ATP8A2: variants seen among roughly 807,000 people sequenced by gnomAD.
ATP8A2 encodes phospholipid-transporting ATPase IB.
In ATP8A2, 100 loss-of-function variants were observed where a neutral mutation model predicts 165.6. That is an observed-to-expected ratio of 0.60 (90% CI 0.51 to 0.71). The LOEUF (loss-of-function observed/expected upper bound fraction) is 0.71, where lower values mean the gene tolerates loss of function less well. Ranked by LOEUF, ATP8A2 falls within the 30% of genes least tolerant of loss-of-function variation. The pLI, the probability that ATP8A2 is intolerant of heterozygous loss-of-function variation, is 0.00. For missense variants in ATP8A2, 1,227 were observed against 1,479.5 expected (o/e 0.83, Z 2.80); for synonymous variants, 543 against 548.8 (o/e 0.99, Z 0.15).
intron 1 of ATP8A2, among the ~76,000 whole-genome samples, chr13:25,461,366 C>G (rs2035498196): frequency 6.6e-6 from 1 of 152,208 alleles, no homozygotes; most frequent in African/African-American, 2.4e-5. Context: ...AGTGCTTCCC[C>G]AGTGGCTGAA....
chr13:25,534,222 T>C (rs778438792), intron 6 of ATP8A2: 1 of 532,652 alleles, frequency 1.9e-6, no homozygotes, highest in Non-Finnish European at 3.9e-6. Context: ...CTTTATAGTG[T>C]TTTACAGTAA....
intron 2 of ATP8A2, among the ~76,000 whole-genome samples, chr13:25,529,239 G>C (rs1415962024): frequency 6.6e-6 from 1 of 152,186 alleles, no homozygotes; most frequent in Non-Finnish European, 1.5e-5. Context: ...AATAAAATGT[G>C]TGAGCAGCCA....
At chr13:25,548,061 C>A (rs1213762830) in intron 10 of ATP8A2, among the ~76,000 whole-genome samples, 1 of 152,044 alleles carries the variant, frequency 6.6e-6, no homozygotes, top group Non-Finnish European at 1.5e-5. Context: ...CCTGTCTCTA[C>A]TAAAAATACA....
At chr13:25,690,872 A>G (rs1256406707) in intron 24 of ATP8A2, among the ~76,000 whole-genome samples, 3 of 151,452 alleles carry the variant, frequency 2.0e-5, no homozygotes, top group Admixed American at 6.6e-5. Flanking sequence ...ATATAAACGT[A>G]AGTCTACACA....
chr13:25,943,770 C>T (rs776411098), intron 33 of ATP8A2, among the ~76,000 whole-genome samples: 1 of 152,150 alleles, frequency 6.6e-6, no homozygotes, highest in Non-Finnish European at 1.5e-5. Context: ...CCGTGAAATC[C>T]AATCAAACCT....
At chr13:25,828,281 G>A (rs768845032) in intron 28 of ATP8A2, 89 bp downstream of exon 28, 1 of 1,095,660 alleles carries the variant, frequency 9.1e-7, no homozygotes, top group Non-Finnish European at 1.4e-6. Context: ...AAGTGTATCT[G>A]AGTCAATCAT....
chr13:25,785,626 C>T (rs1364978075), intron 27 of ATP8A2, among the ~76,000 whole-genome samples: 5 of 152,124 alleles, frequency 3.3e-5, no homozygotes, highest in African/African-American at 1.2e-4. Context: ...AGTTTTAGAA[C>T]TACTTCTGTG....
chr13:25,458,102 G>T (rs935993322), intron 1 of ATP8A2, among the ~76,000 whole-genome samples: 1 of 152,142 alleles, frequency 6.6e-6, no homozygotes, highest in African/African-American at 2.4e-5. Context: ...GTTGACTTCC[G>T]TCTGCTTGGA....
At chr13:25,704,675 G>C (rs2043020166) in intron 25 of ATP8A2, among the ~76,000 whole-genome samples, 1 of 152,040 alleles carries the variant, frequency 6.6e-6, no homozygotes, top group African/African-American at 2.4e-5. Context: ...ATATCTAGGG[G>C]ACCTTTAGAG....
intron 33 of ATP8A2, among the ~76,000 whole-genome samples, chr13:25,867,266 C>T (rs1055180503): frequency 7.9e-5 from 12 of 152,010 alleles, no homozygotes; most frequent in Middle Eastern, 3.4e-3. Context: ...ATGGTTCTGT[C>T]ATCAGTGAAT....
intron 24 of ATP8A2, among the ~76,000 whole-genome samples, chr13:25,677,672 G>A (rs1408820789): frequency 2.6e-5 from 4 of 152,166 alleles, no homozygotes; most frequent in South Asian, 2.1e-4. Flanking sequence ...AGAGGACAAC[G>A]GGAGAGAGAT....
chr13:25,457,501 A>T (rs1033193811), intron 1 of ATP8A2, among the ~76,000 whole-genome samples: 2 of 152,158 alleles, frequency 1.3e-5, no homozygotes, highest in African/African-American at 2.4e-5. Context: ...CCCCATTTTT[A>T]TTATCTCTAA....
At chr13:25,997,122 A>G (rs1956528095) in intron 35 of ATP8A2, among the ~76,000 whole-genome samples, 2 of 152,220 alleles carry the variant, frequency 1.3e-5, no homozygotes, top group Non-Finnish European at 2.9e-5. Context: ...CCCCCACCTT[A>G]TAGGACTTTC....
chr13:25,899,036 C>G (rs1349406237), intron 33 of ATP8A2, among the ~76,000 whole-genome samples: 1 of 152,206 alleles, frequency 6.6e-6, no homozygotes, highest in African/African-American at 2.4e-5. Flanking sequence ...CACCCACTGT[C>G]TTGCACCCAC....
At chr13:25,829,568 T>A (rs895468482) in intron 28 of ATP8A2, among the ~76,000 whole-genome samples, 1 of 150,444 alleles carries the variant, frequency 6.6e-6, no homozygotes, top group African/African-American at 2.4e-5. Context: ...CAGGTATCAA[T>A]GGAGCTGACA....
intron 1 of ATP8A2, among the ~76,000 whole-genome samples, chr13:25,458,780 G>A (rs1436084526): frequency 6.6e-6 from 1 of 152,186 alleles, no homozygotes; most frequent in African/African-American, 2.4e-5. Flanking sequence ...CAACAGGGAG[G>A]TCCCGTTTTC....
intron 16 of ATP8A2, among the ~76,000 whole-genome samples, chr13:25,570,379 G>A (rs1178842216): frequency 6.6e-6 from 1 of 152,126 alleles, no homozygotes; most frequent in East Asian, 1.9e-4. Context: ...AGAGGGGCAA[G>A]TGGAAGCACG....
intron 33 of ATP8A2, among the ~76,000 whole-genome samples, chr13:25,947,756 G>GTCAGCCTTT (rs1223270571): frequency 8.5e-5 from 13 of 152,260 alleles, no homozygotes; most frequent in African/African-American, 3.1e-4. Flanking sequence ...AGACACCGTG[G>GTCAGCCTTT]TCAGCCTTTT....
intron 24 of ATP8A2, among the ~76,000 whole-genome samples, chr13:25,656,157 T>C (rs1279977102): frequency 6.6e-6 from 1 of 152,170 alleles, no homozygotes; most frequent in Admixed American, 6.5e-5. Flanking sequence ...AGGAACACCA[T>C]GAGGACCAAA....
Sources: gnomAD v4.1 joint callset for allele counts (sites outside exome capture counted in the v4.1 genomes callset) on GRCh38, gnomAD v4.1.1 for gene constraint, MANE v1.5 for transcripts, NCBI Gene and HGNC (gene_info 2026-07-23, HGNC 2026-07-21) for gene names.